SBF1: variants seen among roughly 807,000 people sequenced by gnomAD.
The protein encoded by SBF1 is myotubularin-related protein 5.
In SBF1, 65 loss-of-function variants were observed where a neutral mutation model predicts 215.8. The ratio of observed to expected loss-of-function variants is 0.30; its 90% CI spans 0.25 to 0.37. The LOEUF (loss-of-function observed/expected upper bound fraction) is 0.37. SBF1 is among the 10% of genes least tolerant of loss of function. The pLI is 1.00. For synonymous variants in SBF1, 1,410 were observed against 1,122.8 expected, an observed-to-expected ratio of 1.26 and a Z score of -5.11; for missense variants, 2,634 against 2,667.8, an observed-to-expected ratio of 0.99 and a Z score of 0.28.
At chr22:50,468,087 C>A (rs1238941511) in intron 2 of SBF1, among the ~76,000 whole-genome samples, 164 bp from the exon 3 acceptor site, 3 of 152,190 alleles carry the variant, frequency 2.0e-5, no homozygotes, top group African/African-American at 7.2e-5. Context: ...CTCAGTCTCT[C>A]CGGGTGAAGG....
At position 50,461,974 on chromosome 22, in the gene SBF1, G is replaced by A; in HGVS notation, c.2542C>T (p.Leu848Phe). The change falls in exon 20 of 41, where the codon CTC (leucine) becomes TTC (phenylalanine). Residue 848 changes from leucine to phenylalanine, a missense_variant. Coordinates refer to ENST00000380817, the MANE Select transcript of SBF1 (RefSeq NM_002972.4). ...CTESGVTSDH[L>F]KGLHVMVPDI... ...GGCACCATGACATGCAGCCCCTTGA[G>A]GTGGTCGCTGGTGACCCCACTCTCC... 6.2e-7 allele frequency: 1 copy of A among 1,614,228 alleles called. No individual in the cohort carries two copies. Among genetic ancestry groups the A allele is most frequent in the Non-Finnish European group, 8.5e-7 (1 of 1,180,048 alleles).
At chr22:50,452,447 G>A (rs941447428) in intron 36 of SBF1, among the ~76,000 whole-genome samples, 5 of 151,990 alleles carry the variant, frequency 3.3e-5, no homozygotes, top group Admixed American at 6.5e-5. Context: ...GGCCGGGCAC[G>A]GTGGCTCACG....
intron 1 of SBF1, among the ~76,000 whole-genome samples, chr22:50,472,275 G>C (rs2068023378): frequency 6.6e-6 from 1 of 152,148 alleles, no homozygotes; most frequent in African/African-American, 2.4e-5. Context: ...CTAGCAACTG[G>C]GATGCTGCCT....
In SBF1 at chr22:50,474,961, G is replaced by T. The variant is rs1479817137; in HGVS notation, c.-121C>A. The T allele has an allele frequency of 5.7e-6, 3 of 522,608 alleles. No homozygotes were observed. Among genetic ancestry groups the T allele is most frequent in the South Asian group, 5.3e-5 (1 of 18,912 alleles). The allele number at this position is 522,608 out of a possible 1,614,324, so 32.4% of individuals were successfully genotyped here. ...CGCGCACCCCGGACACCCCTGGTTC[G>T]CTCCGCGGCGGCGGCGGCGGCGGCG... On this transcript the variant is annotated 5_prime_UTR_variant, in exon 1 of 41. Coordinates refer to ENST00000380817, the MANE Select transcript of SBF1 (RefSeq NM_002972.4).
At position 50,460,374 on chromosome 22, in the gene SBF1, T is replaced by C; in HGVS notation, c.3181A>G (p.Lys1061Glu). The change falls in exon 25 of 41, where the codon AAG becomes GAG. Residue 1061 changes from lysine (K) to glutamate (E), a missense_variant. Coordinates refer to ENST00000380817, the MANE Select transcript of SBF1 (RefSeq NM_002972.4). ...GTGACATGCTGCCGCCCGATGGTCT[T>C]CTTGGCGTTCTTGACCAGGTTCCGG... ...LSRNLVKNAK[K>E]TIGRQHVTRK... The C allele has an allele frequency of 6.2e-7, 1 of 1,613,186 alleles. No individual in the cohort carries two copies.
intron 16 of SBF1, 39 bp downstream of exon 16, chr22:50,463,244 C>CGCCATGA (rs2067598324): frequency 4.4e-6 from 7 of 1,608,866 alleles, no homozygotes; most frequent in African/African-American, 1.3e-5. Flanking sequence ...CCCGCTCATG[C>CGCCATGA]GCCATGAGCC....
chr22:50,454,685 C>T lies in SBF1; in HGVS notation c.4870G>A (p.Glu1624Lys). 6.4e-7 allele frequency: 1 copy of T among 1,574,086 alleles called. No individual in the cohort carries two copies. The highest frequency in any genetic ancestry group is 1.4e-5 in the African/African-American group (1 of 73,688). ...TAGGGAGGGCCCTCGGCCAGCGTCT[C>T]CTCAGTGTAGAAGTCCCACACCTTC... ...NLKVWDFYTE[E>K]TLAEGPPYDW... The change falls in exon 36 of 41, where the codon GAG becomes AAG. Residue 1624 changes from glutamate to lysine, a missense_variant. Transcript: ENST00000380817.
At chr22:50,457,215 C>T (rs549878096) in intron 28 of SBF1, 104 bp from the exon 29 acceptor site, 7 of 929,944 alleles carry the variant, frequency 7.5e-6, no homozygotes, top group African/African-American at 1.8e-5. Flanking sequence ...CCCCAGGGAG[C>T]CTGGAGACAG....
At position 50,456,611 on chromosome 22, in the gene SBF1, G is replaced by A. The variant is rs562435922; in HGVS notation, c.3967C>T (p.Arg1323Trp). The A allele has an allele frequency of 3.3e-5, 50 of 1,525,714 alleles. No individual in the cohort carries two copies. Among genetic ancestry groups the A allele is most frequent in the African/African-American group, 1.8e-4 (13 of 72,486 alleles). 94.5% of individuals were successfully genotyped at this position (1,525,714 alleles called of 1,614,324 possible). Residue 1323 changes from arginine to tryptophan, a missense_variant, in exon 30 of 41, where the codon CGG becomes TGG. Transcript: ENST00000380817. ...GCCAGCGCGTCTCTGCCAGCTAGCC[G>A]GGAGCCCACATCGGTGCCAAGGCCA... ...SSGLGTDVGS[R>W]LAGRDALAPP...
At chr22:50,451,035 A>G (rs896777847) in intron 36 of SBF1, among the ~76,000 whole-genome samples, 1 of 152,000 alleles carries the variant, frequency 6.6e-6, no homozygotes, top group African/African-American at 2.4e-5. Flanking sequence ...AAAGCGTTAA[A>G]TTCATTAGAT....
Position 50,464,825 on chromosome 22 carries a change from G to T in SBF1, c.1425C>A (p.Tyr475Ter). The T allele has an allele frequency of 6.2e-7, 1 of 1,613,654 alleles. No homozygotes were observed. Among genetic ancestry groups the T allele is most frequent in the Non-Finnish European group, 8.5e-7 (1 of 1,180,014 alleles). Residue 475 changes from tyrosine to a stop codon, truncating the protein, a stop_gained, in exon 13 of 41, where the codon TAC (tyrosine) becomes TAA (stop). Transcript: ENST00000380817. LOFTEE classifies it high-confidence loss of function. Reference protein sequence around the residue: ...RHVQELAEQLYKNENPYPAVA... With the variant: ...RHVQELAEQL ...CGTCCTGCTACCCTCGTACGTTCTT[G>T]TAGAGCTGCTCTGCCAGTTCCTGGA...
At position 50,464,873 on chromosome 22, in the gene SBF1, G is replaced by A. The variant is rs2067680914; in HGVS notation, c.1377C>T (p.His459=). 7 of 1,613,716 alleles carry A rather than the reference G, an allele frequency of 4.3e-6. No homozygotes were observed. The East Asian group carries it at 1.3e-4, about 31-fold the overall frequency. The change falls in exon 13 of 41, where the codon CAC becomes CAT. Residue 459 remains histidine, a synonymous_variant. Coordinates refer to ENST00000380817, the MANE Select transcript of SBF1 (RefSeq NM_002972.4). ...EVARMRADEN[H]PQRVLRHVQE... is the part of the protein sequence containing the mutation. ...GGACGTGACGCAGGACACGCTGGGG[G>A]TGGTTCTCATCCGCCCGCATCCTTG...
chr22:50,463,457 G>T, intron 15 of SBF1, 25 bp from the exon 16 acceptor site: 1 of 1,542,978 alleles, frequency 6.5e-7, no homozygotes, highest in African/African-American at 1.4e-5. Flanking sequence ...AGGAGACACG[G>T]GCTGAGGGCA....
chr22:50,449,751 CAAT>C (rs1188703315), intron 36 of SBF1, among the ~76,000 whole-genome samples: 8 of 152,164 alleles, frequency 5.3e-5, no homozygotes, highest in African/African-American at 1.9e-4. Flanking sequence ...GAAAGAGCAA[CAAT>C]AAAACTGACG....
intron 36 of SBF1, among the ~76,000 whole-genome samples, chr22:50,451,233 C>CA (rs2067035630): frequency 2.7e-5 from 4 of 148,432 alleles, no homozygotes; most frequent in Admixed American, 1.3e-4. Flanking sequence ...CTTGGCAACT[C>CA]AAGAGGCTGA....
chr22:50,468,167 G>A (rs2067855638), intron 2 of SBF1, among the ~76,000 whole-genome samples: 1 of 152,176 alleles, frequency 6.6e-6, no homozygotes, highest in Non-Finnish European at 1.5e-5. Context: ...CCACCATCAT[G>A]AGTGAGTGAC....
Position 50,456,601 on chromosome 22 carries a change from C to T in SBF1, c.3977G>A (p.Gly1326Asp), listed in dbSNP as rs1280133443. The T allele has an allele frequency of 5.2e-6, 8 of 1,532,678 alleles. No homozygotes were observed. The highest frequency in any genetic ancestry group is 7.0e-6 in the Non-Finnish European group (8 of 1,142,406). 94.9% of individuals were successfully genotyped at this position (1,532,678 alleles called of 1,614,324 possible). A position where few individuals can be genotyped will look rare whatever the true frequency, so the allele number is the denominator to read the frequency against. Reference protein sequence around the residue: ...LGTDVGSRLAGRDALAPPQAN... With the variant: ...LGTDVGSRLADRDALAPPQAN... ...CTGGGGTGGGGCCAGCGCGTCTCTG[C>T]CAGCTAGCCGGGAGCCCACATCGGT... The change falls in exon 30 of 41, where the codon GGC becomes GAC. Residue 1326 changes from glycine (G) to aspartate (D), a missense_variant. Gly to Asp is a moderately conservative substitution (Grantham distance 94). Coordinates refer to ENST00000380817, the MANE Select transcript of SBF1 (RefSeq NM_002972.4).
In SBF1 at chr22:50,447,591, C is replaced by T. The variant is rs2066883782; in HGVS notation, c.5382G>A (p.Leu1794=). ...ESENRSYEGT[L]YKKGAFMKPW... ...GCTTCATGAAGGCCCCCTTCTTGTA[C>T]AGAGTGCCCTCGTAGGACCTGCATT... The change falls in exon 39 of 41, where the codon CTG becomes CTA. Residue 1794 remains leucine (L), a synonymous_variant. Coordinates refer to ENST00000380817, the MANE Select transcript of SBF1 (RefSeq NM_002972.4). 1.2e-6 allele frequency: 2 copies of T among 1,611,774 alleles called. No individual in the cohort carries two copies. Among genetic ancestry groups the T allele is most frequent in the Non-Finnish European group, 8.5e-7 (1 of 1,179,366 alleles).
chr22:50,469,211 C>T (rs1013929451), intron 1 of SBF1, among the ~76,000 whole-genome samples: 1 of 152,188 alleles, frequency 6.6e-6, no homozygotes. Flanking sequence ...GAGAGTGGGA[C>T]GGTGGTCACA....
Sources: allele counts gnomAD v4.1 joint callset (sites outside exome capture counted in the v4.1 genomes callset), GRCh38; gene constraint gnomAD v4.1.1; transcripts MANE v1.5; gene names NCBI Gene and HGNC (gene_info 2026-07-23, HGNC 2026-07-21).